DLGAP2: variants seen among roughly 807,000 people sequenced by gnomAD.
The protein encoded by DLGAP2 is disks large-associated protein 2.
In DLGAP2, 26 loss-of-function variants were observed where a neutral mutation model predicts 100.3. The observed-to-expected ratio is 0.26, with a 90% CI of 0.19 to 0.36. The LOEUF (loss-of-function observed/expected upper bound fraction) is 0.36. Among genes scored for constraint, DLGAP2 ranks in the 10% least tolerant of loss-of-function variants. DLGAP2 has a pLI of 1.00. For synonymous variants in DLGAP2, 886 were observed against 630.1 expected (o/e 1.41, Z -6.08); for missense variants, 1,858 against 1,453.2 (o/e 1.28, Z -4.53).
At chr8:1,001,338 A>G (rs1214474163) in intron 2 of DLGAP2, among the ~76,000 whole-genome samples, 2 of 152,208 alleles carry the variant, frequency 1.3e-5, no homozygotes, top group African/African-American at 4.8e-5. Context: ...TTGAACAAAA[A>G]CATAAGTTTG....
At chr8:1,386,383 C>A (rs1176898346) in intron 3 of DLGAP2, among the ~76,000 whole-genome samples, 1 of 152,162 alleles carries the variant, frequency 6.6e-6, no homozygotes, top group African/African-American at 2.4e-5. Flanking sequence ...CCAGCATTGC[C>A]AGGGGAGCCT....
intron 3 of DLGAP2, among the ~76,000 whole-genome samples, chr8:1,292,104 T>C (rs1447488143): frequency 1.3e-5 from 2 of 152,206 alleles, no homozygotes; most frequent in Non-Finnish European, 1.5e-5. Flanking sequence ...GTGTGTCAGC[T>C]AAGCCTGTGT....
At position 1,464,129 on chromosome 8, in the gene DLGAP2, C is replaced by T. The variant is rs544878998; in HGVS notation, c.107-37237C>T. ...AGGCAAGTCACTGTCCCCAAAGCCA[C>T]GTTCCAGGACAGCACCCATCCAGGA... On this transcript the variant is annotated intron_variant, in intron 3 of 14. Coordinates refer to ENST00000637795, the MANE Select transcript of DLGAP2 (RefSeq NM_001346810.2). Among the ~76,000 whole-genome samples, 111 of 152,308 alleles carry T rather than the reference C, an allele frequency of 7.3e-4. 1 individual carries two copies. The highest frequency in any genetic ancestry group is 2.5e-3 in the African/African-American group (106 of 41,570).
chr8:1,173,440 A>G (rs1004117601), intron 2 of DLGAP2, among the ~76,000 whole-genome samples: 7 of 152,334 alleles, frequency 4.6e-5, no homozygotes, highest in Admixed American at 3.9e-4. Flanking sequence ...TTAAGTCTGC[A>G]GAGGCTACTG....
intron 2 of DLGAP2, among the ~76,000 whole-genome samples, chr8:1,064,794 G>T (rs563954438): frequency 6.6e-6 from 1 of 152,286 alleles, no homozygotes; most frequent in African/African-American, 2.4e-5. Flanking sequence ...ATGCGGCAGA[G>T]GGACAAATGC....
At chr8:1,631,963 C>T (rs1797657272) in intron 7 of DLGAP2, among the ~76,000 whole-genome samples, 1 of 152,126 alleles carries the variant, frequency 6.6e-6, no homozygotes, top group South Asian at 2.1e-4. Flanking sequence ...TGTATTTTTA[C>T]AATGTATCTG....
At position 1,705,172 on chromosome 8, in the gene DLGAP2, A is replaced by C. The variant is rs1486285340; in HGVS notation, c.*3766A>C. The C allele has an allele frequency of 1.3e-5, 2 of 152,048 alleles. No individual in the cohort carries two copies. The highest frequency in any genetic ancestry group is 4.8e-5 in the African/African-American group (2 of 41,374). 9.4% of individuals were successfully genotyped at this position (152,048 alleles called of 1,614,324 possible). A position where few individuals can be genotyped will look rare whatever the true frequency, so the allele number is the denominator to read the frequency against. On this transcript the variant is annotated 3_prime_UTR_variant, in exon 15 of 15. Coordinates refer to ENST00000637795, the MANE Select transcript of DLGAP2 (RefSeq NM_001346810.2). The stretch of plus-strand genomic sequence containing the variant: ...GGGACAGTTGTCTGGTTTGTGCCAA[A>C]CCTTCGAGGGGCGAGTAGGGAGTGG...
intron 3 of DLGAP2, among the ~76,000 whole-genome samples, chr8:1,492,467 C>T (rs1481547262): frequency 6.6e-6 from 1 of 152,238 alleles, no homozygotes; most frequent in African/African-American, 2.4e-5. Flanking sequence ...GAACTCTGCA[C>T]TGACTCTCAG....
rs182802432 is a variant in DLGAP2, at chr8:1,093,978, C to T, written c.74-164873C>T. ...GTGGATGGATTGAAGTCCATGCAGG[C>T]GCTCGTGGATGGAGGGCAGCTCCCC... On this transcript the variant is annotated intron_variant, in intron 2 of 14. Coordinates refer to ENST00000637795, the MANE Select transcript of DLGAP2 (RefSeq NM_001346810.2). Among the ~76,000 whole-genome samples, 126 of 111,616 alleles carry T rather than the reference C, an allele frequency of 1.1e-3. 1 individual carries two copies. The highest frequency in any genetic ancestry group is 3.9e-3 in the African/African-American group (119 of 30,356). 73.2% of individuals were successfully genotyped at this position (111,616 alleles called of 152,430 possible).
chr8:1,212,472 C>G (rs960524868), intron 2 of DLGAP2, among the ~76,000 whole-genome samples: 1 of 152,088 alleles, frequency 6.6e-6, no homozygotes, highest in African/African-American at 2.4e-5. Flanking sequence ...TTAGTATGAA[C>G]CAGACATTTA....
chr8:1,039,560 A>G (rs1407704181), intron 2 of DLGAP2, among the ~76,000 whole-genome samples: 7 of 87,140 alleles, frequency 8.0e-5, no homozygotes, highest in South Asian at 4.3e-4. Flanking sequence ...GTGCGTGGTC[A>G]GCTTGGTGTG....
intron 1 of DLGAP2, among the ~76,000 whole-genome samples, chr8:778,000 A>G (rs921069726): frequency 6.6e-6 from 1 of 152,048 alleles, no homozygotes. Flanking sequence ...TCAGACGTAG[A>G]TTTGGTCTTT....
rs1284127378 is a variant in DLGAP2 at position 1,549,443 on chromosome 8, G to A, written c.990G>A (p.Ala330=). Residue 330 remains alanine, a synonymous_variant, in exon 5 of 15, where the codon GCG becomes GCA. Transcript: ENST00000637795. ...LGPVAHCYPD[A]LQSPFGDLSL... ...CCGTGGCCCACTGCTACCCCGACGC[G>A]CTGCAGAGCCCCTTCGGGGACCTGT... 1.9e-6 allele frequency: 3 copies of A among 1,613,444 alleles called. No homozygotes were observed. The highest frequency in any genetic ancestry group is 2.5e-6 in the Non-Finnish European group (3 of 1,179,766).
At chr8:1,388,138 G>T (rs112384587) in intron 3 of DLGAP2, among the ~76,000 whole-genome samples, 12,469 of 100,014 alleles carry the variant, frequency 0.12, 543 homozygotes, top group East Asian at 0.28. Context: ...TGTCAGGGCT[G>T]TGAGAGGCAG....
At chr8:772,680 A>G (rs1439862348) in intron 1 of DLGAP2, among the ~76,000 whole-genome samples, 1 of 152,156 alleles carries the variant, frequency 6.6e-6, no homozygotes, top group African/African-American at 2.4e-5. Flanking sequence ...TCTGAAAAGT[A>G]TTTGAGACAC....
chr8:1,465,343 A>T (rs1402828323), intron 3 of DLGAP2, among the ~76,000 whole-genome samples: 1 of 151,862 alleles, frequency 6.6e-6, no homozygotes, highest in Non-Finnish European at 1.5e-5. Flanking sequence ...AAGGGAAGAG[A>T]TGAGCAGAGG....
chr8:956,823 A>G (rs948954989), intron 2 of DLGAP2, among the ~76,000 whole-genome samples: 3 of 152,182 alleles, frequency 2.0e-5, no homozygotes, highest in African/African-American at 7.2e-5. Flanking sequence ...TCACTGTTTA[A>G]ATGGTATTTA....
chr8:927,330 T>A (rs1366646974), intron 2 of DLGAP2: 14 of 731,434 alleles, frequency 1.9e-5, no homozygotes, highest in African/African-American at 3.8e-5. Context: ...GTTGATTCAA[T>A]GACTAAAAAT....
intron 3 of DLGAP2, among the ~76,000 whole-genome samples, chr8:1,280,993 T>C (rs1799803200): frequency 6.6e-6 from 1 of 152,206 alleles, no homozygotes; most frequent in Non-Finnish European, 1.5e-5. Context: ...ATCCTTACGA[T>C]AGCTCCACGA....
Sources: gnomAD v4.1 joint callset for allele counts (sites outside exome capture counted in the v4.1 genomes callset) on GRCh38, gnomAD v4.1.1 for gene constraint, MANE v1.5 for transcripts, NCBI Gene and HGNC (gene_info 2026-07-23, HGNC 2026-07-21) for gene names.